PIK3C2G: variants seen among roughly 807,000 people sequenced by gnomAD.
PIK3C2G encodes the protein phosphatidylinositol 3-kinase C2 domain-containing subunit gamma.
PIK3C2G carries 168 observed loss-of-function variants against 181.1 expected under a neutral mutation model. That is an observed-to-expected ratio of 0.93 (90% CI 0.82 to 1.05). The LOEUF (loss-of-function observed/expected upper bound fraction) is 1.05, where lower values mean the gene tolerates loss of function less well. PIK3C2G is among the 50% of genes least tolerant of loss of function. The pLI, the probability that PIK3C2G is intolerant of heterozygous loss-of-function variation, is 0.00. For missense variants in PIK3C2G, 1,869 were observed against 1,732.8 expected (o/e 1.08, Z -1.40); for synonymous variants, 573 against 592.2 (o/e 0.97, Z 0.47).
At chr12:18,658,598 AAGG>A in the PIK3C2G span, among the ~76,000 whole-genome samples, 32 of 152,234 alleles carry the variant, frequency 2.1e-4, no homozygotes, top group East Asian at 5.6e-3. Flanking sequence ...TTGAAAAATA[AAGG>A]AGAATTTTTT....
chr12:18,659,128 G>T, the PIK3C2G span, among the ~76,000 whole-genome samples: 2 of 152,060 alleles, frequency 1.3e-5, no homozygotes, highest in African/African-American at 4.8e-5. Context: ...AAGATAGGAG[G>T]AAGGTAAAAA....
the PIK3C2G span, among the ~76,000 whole-genome samples, chr12:18,672,828 C>G: frequency 6.6e-6 from 1 of 152,064 alleles, no homozygotes; most frequent in Non-Finnish European, 1.5e-5. Context: ...AGAAATGCTT[C>G]GATGTAGTCC....
At chr12:18,254,348 G>A (rs1460652557) in intron 1 of PIK3C2G, among the ~76,000 whole-genome samples, 1 of 152,022 alleles carries the variant, frequency 6.6e-6, no homozygotes, top group Non-Finnish European at 1.5e-5. Flanking sequence ...AAACCATGTG[G>A]AGAGCTGTAG....
chr12:18,439,489 G>A lies in PIK3C2G; in HGVS notation c.2504+15450G>A, dbSNP rs141617481. Among the ~76,000 whole-genome samples, 138 of 152,092 alleles carry A rather than the reference G, an allele frequency of 9.1e-4. 1 individual carries two copies. Among genetic ancestry groups the A allele is most frequent in the African/African-American group, 3.2e-3 (133 of 41,512 alleles). On this transcript the variant is annotated intron_variant, in intron 18 of 32. Coordinates refer to ENST00000538779, the MANE Select transcript of PIK3C2G (RefSeq NM_001288772.2). ...ACGTTACTATTCACACTGAAATAGA[G>A]TTGAGTGTTAGAAACTCCACCTCTG... is the stretch of plus-strand genomic sequence containing the variant.
At chr12:18,412,615 T>C (rs2135640563) in intron 16 of PIK3C2G, among the ~76,000 whole-genome samples, 1 of 151,982 alleles carries the variant, frequency 6.6e-6, no homozygotes, top group African/African-American at 2.4e-5. Flanking sequence ...TATGTTAACA[T>C]AAAATGGGTT....
At chr12:18,470,871 CGTTTTATTATAAT>C (rs543291509) in intron 18 of PIK3C2G, among the ~76,000 whole-genome samples, 39 of 152,050 alleles carry the variant, frequency 2.6e-4, no homozygotes, top group South Asian at 6.2e-4. Flanking sequence ...AATATTATAA[CGTTTTATTATAAT>C]GTTTTATTAT....
intron 5 of PIK3C2G, among the ~76,000 whole-genome samples, chr12:18,303,122 C>CTT (rs1230905892): frequency 2.8e-5 from 3 of 107,530 alleles, no homozygotes; most frequent in South Asian, 2.8e-4. Flanking sequence ...TTCCTTCTTT[C>CTT]TTTCTTTCTT....
chr12:18,427,304 G>A (rs867140467), intron 18 of PIK3C2G, among the ~76,000 whole-genome samples: 4 of 151,560 alleles, frequency 2.6e-5, no homozygotes, highest in African/African-American at 4.8e-5. Flanking sequence ...TCAGGAGTCC[G>A]AGATCAGCCA....
chr12:18,717,066 GA>G, the PIK3C2G span, among the ~76,000 whole-genome samples: 1 of 152,034 alleles, frequency 6.6e-6, no homozygotes, highest in Non-Finnish European at 1.5e-5. Flanking sequence ...AAAATATTTT[GA>G]AAGACTTTCA....
intron 24 of PIK3C2G, among the ~76,000 whole-genome samples, chr12:18,524,320 T>C (rs928248427): frequency 2.6e-5 from 4 of 152,212 alleles, no homozygotes; most frequent in Non-Finnish European, 4.4e-5. Context: ...TGTGTAATCA[T>C]AGCCCTTCTA....
At chr12:18,547,485 G>A (rs1944494132) in intron 26 of PIK3C2G, among the ~76,000 whole-genome samples, 1 of 151,926 alleles carries the variant, frequency 6.6e-6, no homozygotes, top group Non-Finnish European at 1.5e-5. Context: ...TCTGACAATA[G>A]ACATTCAAGT....
chr12:18,682,406 C>T, the PIK3C2G span, among the ~76,000 whole-genome samples: 2 of 152,122 alleles, frequency 1.3e-5, no homozygotes, highest in South Asian at 4.1e-4. Flanking sequence ...GGTGCTTTCA[C>T]ATCACTACTA....
chr12:18,725,834 T>C, the PIK3C2G span, among the ~76,000 whole-genome samples: 72 of 152,208 alleles, frequency 4.7e-4, no homozygotes, highest in South Asian at 0.014. Context: ...AAATTACCAA[T>C]TTCTACTAAT....
intron 29 of PIK3C2G, among the ~76,000 whole-genome samples, chr12:18,580,587 T>G (rs1013039851): frequency 8.5e-5 from 13 of 152,220 alleles, no homozygotes; most frequent in African/African-American, 3.1e-4. Flanking sequence ...AAAGCCAAGA[T>G]TACTTTACAC....
At chr12:18,661,246 C>T in the PIK3C2G span, among the ~76,000 whole-genome samples, 1 of 152,008 alleles carries the variant, frequency 6.6e-6, no homozygotes, top group Admixed American at 6.6e-5. Context: ...AGAAATAGTA[C>T]CCCAAATATT....
At chr12:18,470,494 C>A in intron 18 of PIK3C2G, among the ~76,000 whole-genome samples, 1 of 152,158 alleles carries the variant, frequency 6.6e-6, no homozygotes, top group Non-Finnish European at 1.5e-5. Context: ...GGGCTGAATG[C>A]TTTGTTCCAA....
chr12:18,684,233 G>A, the PIK3C2G span: 3 of 1,610,614 alleles, frequency 1.9e-6, no homozygotes, highest in Non-Finnish European at 2.5e-6. Context: ...CCAATTCTGG[G>A]ACATGAATAA....
chr12:18,433,786 G>A (rs1946295032), intron 18 of PIK3C2G, among the ~76,000 whole-genome samples: 1 of 152,124 alleles, frequency 6.6e-6, no homozygotes, highest in Admixed American at 6.6e-5. Flanking sequence ...ATCCCTCTAG[G>A]ATGGGAAAGA....
intron 31 of PIK3C2G, among the ~76,000 whole-genome samples, chr12:18,616,068 A>G (rs539750392): frequency 2.0e-5 from 3 of 152,076 alleles, no homozygotes; most frequent in Admixed American, 6.6e-5. Context: ...TTTATATCCA[A>G]TGTAATCTTC....
Sources: gnomAD v4.1 joint callset for allele counts (sites outside exome capture counted in the v4.1 genomes callset) on GRCh38, gnomAD v4.1.1 for gene constraint, MANE v1.5 for transcripts, NCBI Gene and HGNC (gene_info 2026-07-23, HGNC 2026-07-21) for gene names.